Variants in MKLN1 observed in about 807,000 individuals in gnomAD.
MKLN1 encodes the protein muskelin.
MKLN1 carries 18 observed loss-of-function variants against 99.0 expected under a neutral mutation model. That is an observed-to-expected ratio of 0.18 (90% CI 0.13 to 0.27). The LOEUF is 0.27. Ranked by LOEUF, MKLN1 falls within the 10% of genes least tolerant of loss-of-function variation. The pLI, the probability that MKLN1 is intolerant of heterozygous loss-of-function variation, is 1.00. For synonymous variants in MKLN1, 288 were observed against 293.2 expected (o/e 0.98, Z 0.18); for missense variants, 621 against 875.9 (o/e 0.71, Z 3.67).
At chr7:131,131,232 C>T (rs1182220111) in intron 1 of MKLN1, among the ~76,000 whole-genome samples, 1 of 52,726 alleles carries the variant, frequency 1.9e-5, no homozygotes, top group Non-Finnish European at 4.4e-5. Flanking sequence ...TAAAATTTAG[C>T]TGAGCCTGGT....
chr7:131,437,175 T>A (rs1795698271), intron 9 of MKLN1, among the ~76,000 whole-genome samples: 1 of 152,122 alleles, frequency 6.6e-6, no homozygotes, highest in Non-Finnish European at 1.5e-5. Context: ...GCTGCACCCA[T>A]CAACTCATCA....
rs1019523862 is a variant in MKLN1, at chr7:131,495,624, T to C, written c.*7896T>C. 1 of 152,138 alleles carries C rather than the reference T, an allele frequency of 6.6e-6. No homozygotes were observed. The highest frequency in any genetic ancestry group is 2.4e-5 in the African/African-American group (1 of 41,430). The allele number at this position is 152,138 out of a possible 1,614,324, so 9.4% of individuals were successfully genotyped here. ...AAAAAAAATTAACACAGCCATTCCA[T>C]TGTTTTTTACCACATGGAGAAAGGA... On this transcript the variant is annotated 3_prime_UTR_variant, in exon 18 of 18. Transcript: ENST00000352689.
intron 3 of MKLN1, among the ~76,000 whole-genome samples, chr7:131,217,077 C>G (rs1472238522): frequency 6.6e-6 from 1 of 152,144 alleles, no homozygotes. Flanking sequence ...GATGGCATTT[C>G]ATCTAGAAAG....
At chr7:131,209,512 G>A (rs1473616413) in intron 3 of MKLN1, among the ~76,000 whole-genome samples, 1 of 152,194 alleles carries the variant, frequency 6.6e-6, no homozygotes, top group South Asian at 2.1e-4. Context: ...AGGAACCAAA[G>A]ATATGTCCTC....
At chr7:131,459,518 C>T (rs971319621) in intron 12 of MKLN1, among the ~76,000 whole-genome samples, 4 of 152,166 alleles carry the variant, frequency 2.6e-5, no homozygotes, top group African/African-American at 9.7e-5. Context: ...TGAAGCTGTT[C>T]TGAGGCCTTC....
At chr7:131,142,032 T>G (rs1795740879) in intron 1 of MKLN1, among the ~76,000 whole-genome samples, 1 of 152,122 alleles carries the variant, frequency 6.6e-6, no homozygotes, top group African/African-American at 2.4e-5. Context: ...ATCCCATCAC[T>G]TTGGGAGGCC....
intron 3 of MKLN1, among the ~76,000 whole-genome samples, chr7:131,236,061 C>T (rs950336594): frequency 1.3e-5 from 2 of 152,268 alleles, no homozygotes; most frequent in African/African-American, 4.8e-5. Context: ...GATCCAGCCT[C>T]TTGGGTATGG....
chr7:131,306,757 AG>A (rs1798473238), intron 3 of MKLN1, among the ~76,000 whole-genome samples: 1 of 152,244 alleles, frequency 6.6e-6, no homozygotes, highest in Admixed American at 6.5e-5. Context: ...AGAGCATAAA[AG>A]TTTGGAAAAT....
intron 2 of MKLN1, among the ~76,000 whole-genome samples, chr7:131,188,379 T>A (rs1796483896): frequency 6.6e-6 from 1 of 152,258 alleles, no homozygotes; most frequent in South Asian, 2.1e-4. Flanking sequence ...GTTCTGCTGA[T>A]CTGGGCTGGG....
At chr7:131,294,933 G>A (rs1262039344) in intron 3 of MKLN1, among the ~76,000 whole-genome samples, 1 of 152,148 alleles carries the variant, frequency 6.6e-6, no homozygotes, top group Non-Finnish European at 1.5e-5. Context: ...CATCTCGTGA[G>A]GCTAGCAGGT....
intron 8 of MKLN1, among the ~76,000 whole-genome samples, chr7:131,421,241 A>G (rs1351946434): frequency 6.6e-6 from 1 of 152,160 alleles, no homozygotes; most frequent in Non-Finnish European, 1.5e-5. Flanking sequence ...TATGACTATT[A>G]GTAGCATAAT....
intron 9 of MKLN1, among the ~76,000 whole-genome samples, chr7:131,429,801 C>T (rs1166147552): frequency 6.6e-6 from 1 of 152,114 alleles, no homozygotes; most frequent in Non-Finnish European, 1.5e-5. Flanking sequence ...AGGATGGTCT[C>T]GATCTCCTGA....
At chr7:131,330,197 C>G (rs1160574548) in intron 1 of MKLN1, among the ~76,000 whole-genome samples, 2 of 152,152 alleles carry the variant, frequency 1.3e-5, no homozygotes, top group Non-Finnish European at 2.9e-5. Context: ...TACCTTTGCC[C>G]TAAAATCCCC....
At chr7:131,225,836 C>T (rs1797139172) in intron 3 of MKLN1, among the ~76,000 whole-genome samples, 1 of 152,166 alleles carries the variant, frequency 6.6e-6, no homozygotes, top group African/African-American at 2.4e-5. Context: ...CTGGCCTCTC[C>T]TCATGGCTGC....
chr7:131,478,687 G>A lies in MKLN1; in HGVS notation c.2086+10G>A, dbSNP rs748105119. The A allele has an allele frequency of 7.5e-6, 12 of 1,595,892 alleles. No individual in the cohort carries two copies. The highest frequency in any genetic ancestry group is 1.0e-5 in the Non-Finnish European group (12 of 1,173,868). ...GATTTTACAGCTCTGGGTAAGTATT[G>A]CAGTATAATTTATCCAGCTAGATGC... On this transcript the variant is annotated intron_variant, in intron 17 of 17. Coordinates refer to ENST00000352689, the MANE Select transcript of MKLN1 (RefSeq NM_013255.5).
intron 16 of MKLN1, among the ~76,000 whole-genome samples, chr7:131,472,880 GGAGCTTGCAGT>G (rs1796860140): frequency 6.6e-6 from 1 of 150,674 alleles, no homozygotes; most frequent in Non-Finnish European, 1.5e-5. Flanking sequence ...CCCGGGATGC[GGAGCTTGCAGT>G]GAGCTGAGAT....
intron 3 of MKLN1, among the ~76,000 whole-genome samples, chr7:131,281,209 CTT>C (rs544553907): frequency 2.1e-5 from 3 of 142,932 alleles, no homozygotes; most frequent in African/African-American, 5.1e-5. Flanking sequence ...TTGAGTTATT[CTT>C]TTTTTTTTTT....
chr7:131,161,642 T>C (rs1253164620), intron 2 of MKLN1, among the ~76,000 whole-genome samples: 7 of 151,778 alleles, frequency 4.6e-5, no homozygotes, highest in Non-Finnish European at 7.4e-5. Flanking sequence ...AGCTCCGCCT[T>C]CCGGGTTCAG....
intron 2 of MKLN1, among the ~76,000 whole-genome samples, chr7:131,384,481 G>T (rs985261305): frequency 6.6e-5 from 10 of 152,068 alleles, no homozygotes; most frequent in Admixed American, 1.3e-4. Context: ...ACCAGATACT[G>T]GAAGAGGCAA....
Sources: gnomAD v4.1 joint callset for allele counts (sites outside exome capture counted in the v4.1 genomes callset) on GRCh38, gnomAD v4.1.1 for gene constraint, MANE v1.5 for transcripts, NCBI Gene and HGNC (gene_info 2026-07-23, HGNC 2026-07-21) for gene names.